Variants in DAAM1 observed in about 807,000 individuals in gnomAD.
The protein encoded by DAAM1 is disheveled-associated activator of morphogenesis 1.
A neutral mutation model predicts 130.0 loss-of-function variants in DAAM1; 52 were observed. The ratio of observed to expected loss-of-function variants is 0.40; its 90% confidence interval spans 0.32 to 0.50. The LOEUF (loss-of-function observed/expected upper bound fraction) is 0.50, where lower values mean the gene tolerates loss of function less well. Among genes scored for constraint, DAAM1 ranks in the 20% least tolerant of loss-of-function variants. The pLI is 0.61. For missense variants in DAAM1, 1,134 were observed against 1,303.8 expected (o/e 0.87, Z 2.01); for synonymous variants, 452 against 444.5 (o/e 1.02, Z -0.21).
chr14:59,308,740 G>A (rs1297931214), intron 3 of DAAM1, among the ~76,000 whole-genome samples: 1 of 152,234 alleles, frequency 6.6e-6, no homozygotes, highest in African/African-American at 2.4e-5. Context: ...AATGGAGAAG[G>A]TTTACTCTTT....
chr14:59,354,057 T>C, intron 19 of DAAM1, 93 bp downstream of exon 19: 1 of 1,243,986 alleles, frequency 8.0e-7, no homozygotes. Context: ...AAGATCCCCT[T>C]GGTGATTTTT....
At chr14:59,209,994 G>T (rs1888378891) in intron 1 of DAAM1, among the ~76,000 whole-genome samples, 1 of 152,120 alleles carries the variant, frequency 6.6e-6, no homozygotes, top group African/African-American at 2.4e-5. Context: ...AAAGTAGATG[G>T]GCATGGTGGT....
At chr14:59,355,421 A>G (rs2139674939) in intron 20 of DAAM1, 88 bp downstream of exon 20, 2 of 1,460,860 alleles carry the variant, frequency 1.4e-6, no homozygotes, top group Non-Finnish European at 1.9e-6. Context: ...CTCAGCCTTC[A>G]TGACACTGCA....
intron 1 of DAAM1, among the ~76,000 whole-genome samples, chr14:59,215,537 G>A (rs1193378973): frequency 1.3e-5 from 2 of 152,192 alleles, no homozygotes; most frequent in Non-Finnish European, 2.9e-5. Flanking sequence ...GGCGGCAGCC[G>A]CTGCAGGCTT....
intron 16 of DAAM1, among the ~76,000 whole-genome samples, chr14:59,342,843 AGGAGGGGCCG>A (rs1885903863): frequency 6.6e-6 from 1 of 152,172 alleles, no homozygotes; most frequent in Non-Finnish European, 1.5e-5. Context: ...ATATGACAAG[AGGAGGGGCCG>A]GGAAGGTGGT....
chr14:59,278,499 T>C (rs533827965), intron 2 of DAAM1, among the ~76,000 whole-genome samples: 1 of 152,318 alleles, frequency 6.6e-6, no homozygotes, highest in African/African-American at 2.4e-5. Flanking sequence ...AATTCTTAAT[T>C]TATACTTTTG....
chr14:59,301,895 A>G (rs1378247501), intron 3 of DAAM1, among the ~76,000 whole-genome samples: 1 of 152,170 alleles, frequency 6.6e-6, no homozygotes, highest in Non-Finnish European at 1.5e-5. Flanking sequence ...TCTTCACAGA[A>G]TTGTAAAAGC....
At position 59,327,308 on chromosome 14, in the gene DAAM1, T is replaced by C. The variant is rs539591691; in HGVS notation, c.1372+317T>C. 1.3e-4 allele frequency among the ~76,000 whole-genome samples: 20 copies of C among 152,008 alleles called. 1 individual carries two copies. The South Asian group carries it at 3.9e-3, about 30-fold the overall frequency. ...TTCAAACCCTTCCCCTACTCCGTCA[T>C]GGCTCTTTAAATCATACTGGGTTTT... On this transcript the variant is annotated intron_variant, in intron 12 of 24. Coordinates refer to ENST00000360909, the MANE Select transcript of DAAM1 (RefSeq NM_001270520.2).
rs533584592 is a variant in DAAM1 at position 59,253,045 on chromosome 14, T to G, written c.-37-10396T>G. On this transcript the variant is annotated intron_variant, in intron 1 of 24. Coordinates refer to ENST00000360909, the MANE Select transcript of DAAM1 (RefSeq NM_001270520.2). ...TTAGATTTTTTCGTGTACAGCCCCC[T>G]GGGTTTCTCCCACCTTGACTTTCTG... 3.9e-5 allele frequency among the ~76,000 whole-genome samples: 6 copies of G among 152,344 alleles called. No homozygotes were observed. In the South Asian group the frequency reaches 1.2e-3, roughly 32 times the overall value.
intron 3 of DAAM1, among the ~76,000 whole-genome samples, chr14:59,293,286 T>A (rs1429350169): frequency 2.0e-5 from 3 of 152,228 alleles, no homozygotes; most frequent in Non-Finnish European, 4.4e-5. Flanking sequence ...AATAGAAAGT[T>A]AATCATGGAA....
chr14:59,236,024 A>T (rs1443128883), intron 1 of DAAM1, among the ~76,000 whole-genome samples: 1 of 152,186 alleles, frequency 6.6e-6, no homozygotes, highest in Admixed American at 6.5e-5. Flanking sequence ...AAAAAATCCC[A>T]TATTAAATGG....
intron 1 of DAAM1, among the ~76,000 whole-genome samples, chr14:59,253,031 C>T (rs1397600808): frequency 2.6e-5 from 4 of 152,122 alleles, no homozygotes; most frequent in East Asian, 1.9e-4. Flanking sequence ...TAGATTTTTT[C>T]GTGTACAGCC....
At chr14:59,338,455 T>G (rs753510041) in intron 15 of DAAM1, 35 of 1,606,238 alleles carry the variant, frequency 2.2e-5, no homozygotes, top group Non-Finnish European at 2.9e-5. Flanking sequence ...ATATAACTCC[T>G]TGGCTCACTG....
At chr14:59,247,730 A>C (rs558693855) in intron 1 of DAAM1, among the ~76,000 whole-genome samples, 2 of 151,990 alleles carry the variant, frequency 1.3e-5, no homozygotes, top group African/African-American at 4.8e-5. Flanking sequence ...AAAAAAAAAA[A>C]CAAGGAATTA....
At chr14:59,354,122 G>A (rs1036579595) in intron 19 of DAAM1, among the ~76,000 whole-genome samples, 158 bp downstream of exon 19, 17 of 150,604 alleles carry the variant, frequency 1.1e-4, no homozygotes, top group Non-Finnish European at 1.9e-4. Context: ...GTGCAGTAGC[G>A]CGATCTTGGC....
chr14:59,226,038 TTTCAGTTGCCTGATGATAA>T (rs1888934144), intron 1 of DAAM1, among the ~76,000 whole-genome samples: 1 of 152,214 alleles, frequency 6.6e-6, no homozygotes, highest in African/African-American at 2.4e-5. Context: ...TCGAAATGTG[TTTCAGTTGCCTGATGATAA>T]TTTTTTTTTT....
chr14:59,220,218 C>A (rs77773396), intron 1 of DAAM1, among the ~76,000 whole-genome samples: 8,973 of 152,168 alleles, frequency 0.059, 369 homozygotes, highest in Non-Finnish European at 0.089. Context: ...ATTGGCGGCT[C>A]TATTCTCAGG....
intron 2 of DAAM1, among the ~76,000 whole-genome samples, chr14:59,278,623 T>G (rs1042771994): frequency 1.3e-5 from 2 of 152,140 alleles, no homozygotes; most frequent in African/African-American, 4.8e-5. Flanking sequence ...AAAAACAAAC[T>G]GAAAAGGTTC....
chr14:59,309,191 A>AT (rs1884483311), intron 3 of DAAM1, among the ~76,000 whole-genome samples: 3 of 152,226 alleles, frequency 2.0e-5, no homozygotes, highest in Admixed American at 6.5e-5. Flanking sequence ...GCCCCCAAAA[A>AT]GGAAGAGCCA....
Sources: allele counts gnomAD v4.1 joint callset (sites outside exome capture counted in the v4.1 genomes callset), GRCh38; gene constraint gnomAD v4.1.1; transcripts MANE v1.5; gene names NCBI Gene and HGNC (gene_info 2026-07-23, HGNC 2026-07-21).